The following PLCB1 variants were observed in gnomAD, a reference collection of about 807,000 sequenced individuals.
PLCB1 encodes phospholipase C beta 1.
In PLCB1, 46 loss-of-function variants were observed where a neutral mutation model predicts 161.8. That is an observed-to-expected ratio of 0.28 (90% CI 0.22 to 0.36). The LOEUF (loss-of-function observed/expected upper bound fraction) is 0.36. PLCB1 is among the 10% of genes least tolerant of loss of function. PLCB1 has a pLI of 1.00. For missense variants in PLCB1, 1,016 were observed against 1,472.5 expected, an observed-to-expected ratio of 0.69 and a Z score of 5.07; for synonymous variants, 517 against 503.7, an observed-to-expected ratio of 1.03 and a Z score of -0.35.
At chr20:8,197,883 G>T (rs2123120043) in intron 2 of PLCB1, among the ~76,000 whole-genome samples, 1 of 152,240 alleles carries the variant, frequency 6.6e-6, no homozygotes, top group African/African-American at 2.4e-5. Context: ...CATATGCCTA[G>T]CCAGTTTTCC....
intron 31 of PLCB1, among the ~76,000 whole-genome samples, chr20:8,852,520 C>T (rs1231646655): frequency 6.6e-6 from 1 of 152,198 alleles, no homozygotes; most frequent in Non-Finnish European, 1.5e-5. Flanking sequence ...GGCCTGTGGT[C>T]CTGGGAAATC....
chr20:8,681,738 T>C (rs1477008670), intron 9 of PLCB1, among the ~76,000 whole-genome samples: 6 of 152,220 alleles, frequency 3.9e-5, no homozygotes, highest in Admixed American at 3.3e-4. Flanking sequence ...GATTGGGTTG[T>C]GTGAAATTGC....
intron 31 of PLCB1, among the ~76,000 whole-genome samples, chr20:8,842,567 G>A (rs1442129912): frequency 6.6e-6 from 1 of 152,170 alleles, no homozygotes; most frequent in Non-Finnish European, 1.5e-5. Flanking sequence ...CCGAGTTGTA[G>A]AAGGAAAGGG....
chr20:8,424,586 T>G (rs974367540), intron 3 of PLCB1, among the ~76,000 whole-genome samples: 2 of 152,244 alleles, frequency 1.3e-5, no homozygotes, highest in South Asian at 4.2e-4. Context: ...TTGAGATACA[T>G]GAGTCCTCTG....
intron 3 of PLCB1, among the ~76,000 whole-genome samples, chr20:8,493,311 A>C (rs1185922632): frequency 6.6e-6 from 1 of 152,232 alleles, no homozygotes; most frequent in African/African-American, 2.4e-5. Context: ...ACTTAAAAAA[A>C]ATACTCCAAA....
intron 1 of PLCB1, among the ~76,000 whole-genome samples, chr20:8,146,273 T>C (rs12481262): frequency 0.46 from 70,429 of 151,976 alleles, 16,361 homozygotes; most frequent in Middle Eastern, 0.55. Context: ...TGTTATAGAG[T>C]GCGTACTTGA....
chr20:8,138,187 T>C (rs79984192), intron 1 of PLCB1, among the ~76,000 whole-genome samples: 3,720 of 152,332 alleles, frequency 0.024, 116 homozygotes, highest in African/African-American at 0.071. Flanking sequence ...TCCCCACCTA[T>C]GGTGAATGAG....
chr20:8,221,996 C>G (rs574998589), intron 2 of PLCB1, among the ~76,000 whole-genome samples: 2 of 152,244 alleles, frequency 1.3e-5, no homozygotes, highest in African/African-American at 4.8e-5. Flanking sequence ...TATATCTCAT[C>G]ATATAGAAAT....
At chr20:8,517,681 C>A (rs533162652) in intron 3 of PLCB1, among the ~76,000 whole-genome samples, 1 of 152,166 alleles carries the variant, frequency 6.6e-6, no homozygotes, top group Non-Finnish European at 1.5e-5. Context: ...AGGATGGGAC[C>A]GGGGCTCAGA....
At chr20:8,617,703 G>T (rs757141939) in intron 3 of PLCB1, among the ~76,000 whole-genome samples, 5 of 152,094 alleles carry the variant, frequency 3.3e-5, no homozygotes, top group Admixed American at 6.6e-5. Context: ...GTACTTCATT[G>T]TTGAAATTAC....
chr20:8,760,307 A>C, intron 24 of PLCB1, 100 bp from the exon 25 acceptor site: 2 of 653,414 alleles, frequency 3.1e-6, no homozygotes, highest in Non-Finnish European at 5.3e-6. Context: ...TTTCTCTGAA[A>C]AGAGATTTAG....
At chr20:8,311,987 C>A (rs1600305382) in intron 2 of PLCB1, among the ~76,000 whole-genome samples, 1 of 152,190 alleles carries the variant, frequency 6.6e-6, no homozygotes, top group African/African-American at 2.4e-5. Flanking sequence ...CCCCTCTTCC[C>A]TCTCACTGCT....
At chr20:8,837,019 G>A (rs1431939626) in intron 31 of PLCB1, among the ~76,000 whole-genome samples, 10 of 152,106 alleles carry the variant, frequency 6.6e-5, no homozygotes, top group South Asian at 2.1e-4. Context: ...GAAGGAATGC[G>A]TTGCTCAAAG....
intron 3 of PLCB1, among the ~76,000 whole-genome samples, chr20:8,599,199 G>C (rs1269071119): frequency 3.3e-3 from 397 of 118,530 alleles, no homozygotes; most frequent in South Asian, 0.011. Context: ...TAGTCTCGAT[G>C]GTCTTTACAT....
At chr20:8,285,855 A>C (rs967676463) in intron 2 of PLCB1, among the ~76,000 whole-genome samples, 76 of 152,350 alleles carry the variant, frequency 5.0e-4, no homozygotes, top group African/African-American at 1.5e-3. Flanking sequence ...AGAGGCTTCC[A>C]AGATAGTTCC....
intron 3 of PLCB1, among the ~76,000 whole-genome samples, chr20:8,576,723 CATTT>C (rs1292369976): frequency 6.6e-5 from 10 of 152,138 alleles, no homozygotes; most frequent in Non-Finnish European, 5.9e-5. Context: ...TTTAAGCATT[CATTT>C]GTCTTTTATC....
chr20:8,677,961 G>A (rs751440874), intron 9 of PLCB1, among the ~76,000 whole-genome samples: 2 of 152,176 alleles, frequency 1.3e-5, no homozygotes, highest in Non-Finnish European at 2.9e-5. Flanking sequence ...CAGAATAGAA[G>A]TGAAGAAAAC....
intron 10 of PLCB1, among the ~76,000 whole-genome samples, chr20:8,695,904 A>G (rs1004033425): frequency 1.3e-5 from 2 of 152,198 alleles, no homozygotes; most frequent in African/African-American, 4.8e-5. Context: ...TTTGGCTTCC[A>G]TGCCCTGTGT....
intron 26 of PLCB1, among the ~76,000 whole-genome samples, chr20:8,771,089 G>A (rs1982653354): frequency 1.3e-5 from 2 of 152,074 alleles, no homozygotes; most frequent in Non-Finnish European, 2.9e-5. Context: ...CAATACAGGA[G>A]CCACTAGCTA....
Sources: gnomAD v4.1 joint callset for allele counts (sites outside exome capture counted in the v4.1 genomes callset) on GRCh38, gnomAD v4.1.1 for gene constraint, MANE v1.5 for transcripts, NCBI Gene and HGNC (gene_info 2026-07-23, HGNC 2026-07-21) for gene names.